Variants in UBE2E2 observed in about 807,000 individuals in gnomAD.
UBE2E2 encodes the protein ubiquitin conjugating enzyme E2 E2, also known as ubiquitin-conjugating enzyme E2 E2.
A neutral mutation model predicts 24.7 loss-of-function variants in UBE2E2; 6 were observed. That is an observed-to-expected ratio of 0.24 (90% CI 0.13 to 0.48). The LOEUF is 0.48. Ranked by LOEUF, UBE2E2 falls within the 20% of genes least tolerant of loss-of-function variation. The pLI, the probability that UBE2E2 is intolerant of heterozygous loss-of-function variation, is 0.99. For missense variants in UBE2E2, 169 were observed against 245.0 expected, an observed-to-expected ratio of 0.69 and a Z score of 2.07; for synonymous variants, 104 against 83.6, an observed-to-expected ratio of 1.24 and a Z score of -1.33.
chr3:23,244,120 C>G (rs904873487), intron 3 of UBE2E2, among the ~76,000 whole-genome samples: 1 of 89,324 alleles, frequency 1.1e-5, no homozygotes, highest in African/African-American at 4.5e-5. Context: ...AAAAATGTAC[C>G]CTGCATTTCA....
intron 3 of UBE2E2, among the ~76,000 whole-genome samples, chr3:23,218,807 A>T (rs762942522): frequency 6.6e-6 from 1 of 152,186 alleles, no homozygotes; most frequent in East Asian, 1.9e-4. Context: ...AAGGAACTAT[A>T]TAAAGGTTAT....
At chr3:23,391,903 G>A (rs1344977812) in intron 3 of UBE2E2, among the ~76,000 whole-genome samples, 1 of 152,038 alleles carries the variant, frequency 6.6e-6, no homozygotes, top group Non-Finnish European at 1.5e-5. Flanking sequence ...CTCCACCATT[G>A]TTCTATTATG....
chr3:23,203,753 C>T (rs911360356), intron 1 of UBE2E2, among the ~76,000 whole-genome samples: 1 of 149,056 alleles, frequency 6.7e-6, no homozygotes, highest in Non-Finnish European at 1.5e-5. Flanking sequence ...AGTTCCCCAT[C>T]CTTCTCAACC....
At chr3:23,433,605 C>T (rs1459932619) in intron 3 of UBE2E2, among the ~76,000 whole-genome samples, 3 of 151,152 alleles carry the variant, frequency 2.0e-5, no homozygotes, top group Admixed American at 2.0e-4. Flanking sequence ...GATATTTAAA[C>T]GTTGAAAATG....
chr3:23,319,206 A>T (rs1694674620), intron 3 of UBE2E2, among the ~76,000 whole-genome samples: 2 of 152,330 alleles, frequency 1.3e-5, no homozygotes, highest in Admixed American at 1.3e-4. Context: ...TAAACTTTTT[A>T]ATTTTATAAA....
chr3:23,460,480 T>C (rs1173736209), intron 3 of UBE2E2, among the ~76,000 whole-genome samples: 1 of 152,180 alleles, frequency 6.6e-6, no homozygotes, highest in Non-Finnish European at 1.5e-5. Context: ...CTTAGCATGA[T>C]TTTTGGTGTG....
chr3:23,224,156 G>GTTTTTTTTTTTTTTTTTTTTTT (rs531661466), intron 3 of UBE2E2, among the ~76,000 whole-genome samples: 1 of 93,718 alleles, frequency 1.1e-5, no homozygotes, highest in Admixed American at 1.4e-4. Flanking sequence ...TAAATTTTAG[G>GTTTTTTTTTTTTTTTTTTTTTT]TTTTTTTTTT....
At chr3:23,260,211 A>G (rs1697858851) in intron 3 of UBE2E2, among the ~76,000 whole-genome samples, 1 of 152,214 alleles carries the variant, frequency 6.6e-6, no homozygotes, top group Non-Finnish European at 1.5e-5. Flanking sequence ...TGGATATATT[A>G]TGCAATTTAA....
At chr3:23,264,189 A>G (rs1213785814) in intron 3 of UBE2E2, among the ~76,000 whole-genome samples, 2 of 152,170 alleles carry the variant, frequency 1.3e-5, no homozygotes, top group Non-Finnish European at 2.9e-5. Context: ...AGGAAGTCTT[A>G]CCTTTGCTCC....
chr3:23,546,702 A>G (rs1363780100), intron 5 of UBE2E2, among the ~76,000 whole-genome samples: 1 of 151,604 alleles, frequency 6.6e-6, no homozygotes, highest in Non-Finnish European at 1.5e-5. Context: ...CAAACTCCCA[A>G]CCTCAGGTGA....
intron 3 of UBE2E2, among the ~76,000 whole-genome samples, chr3:23,353,342 C>T (rs1695824195): frequency 6.6e-6 from 1 of 151,990 alleles, no homozygotes; most frequent in Non-Finnish European, 1.5e-5. Flanking sequence ...GGGATGCCCT[C>T]TCTCACCACT....
chr3:23,383,841 G>C (rs1294577481), intron 3 of UBE2E2, among the ~76,000 whole-genome samples: 1 of 148,666 alleles, frequency 6.7e-6, no homozygotes, highest in Non-Finnish European at 1.5e-5. Context: ...TTTTTTTTTA[G>C]GCTGCTGAAT....
At chr3:23,468,518 A>G (rs558963232) in intron 3 of UBE2E2, among the ~76,000 whole-genome samples, 1 of 152,374 alleles carries the variant, frequency 6.6e-6, no homozygotes, top group Non-Finnish European at 1.5e-5. Flanking sequence ...TAGTTATACT[A>G]TATCGAGTAC....
At chr3:23,539,770 C>T (rs1695347369) in intron 5 of UBE2E2, among the ~76,000 whole-genome samples, 1 of 151,970 alleles carries the variant, frequency 6.6e-6, no homozygotes, top group African/African-American at 2.4e-5. Context: ...ACAGTAAAAT[C>T]TTACTAGTTC....
chr3:23,411,328 C>G (rs1049581949), intron 3 of UBE2E2, among the ~76,000 whole-genome samples: 1 of 152,284 alleles, frequency 6.6e-6, no homozygotes, highest in African/African-American at 2.4e-5. Context: ...GACCTGTGCT[C>G]TAGATGATGC....
At chr3:23,448,057 T>C (rs558295403) in intron 3 of UBE2E2, among the ~76,000 whole-genome samples, 2 of 152,326 alleles carry the variant, frequency 1.3e-5, no homozygotes, top group African/African-American at 4.8e-5. Context: ...TTAAAAATTA[T>C]CTCTTTAATT....
intron 3 of UBE2E2, among the ~76,000 whole-genome samples, chr3:23,486,481 A>T (rs893104577): frequency 6.6e-6 from 1 of 151,952 alleles, no homozygotes; most frequent in Non-Finnish European, 1.5e-5. Context: ...GGAGGAAAGC[A>T]TGTTTTCTCG....
intron 5 of UBE2E2, among the ~76,000 whole-genome samples, chr3:23,560,599 G>A (rs1340114510): frequency 6.6e-6 from 1 of 151,896 alleles, no homozygotes; most frequent in Admixed American, 6.6e-5. Context: ...GGATTGCTGG[G>A]TCAAATGGTA....
chr3:23,217,876 A>T (rs966763525), intron 3 of UBE2E2, among the ~76,000 whole-genome samples: 2 of 152,166 alleles, frequency 1.3e-5, no homozygotes, highest in Admixed American at 1.3e-4. Flanking sequence ...TTTAGGAAAG[A>T]AAAGTGCTTA....
Sources: gnomAD v4.1 joint callset for allele counts (sites outside exome capture counted in the v4.1 genomes callset) on GRCh38, gnomAD v4.1.1 for gene constraint, MANE v1.5 for transcripts, NCBI Gene and HGNC (gene_info 2026-07-23, HGNC 2026-07-21) for gene names.